The following SMIM13 variants were observed in gnomAD, a reference collection of about 807,000 sequenced individuals.
SMIM13 encodes the protein UPF0766 protein C6orf228.
A neutral mutation model predicts 5.9 loss-of-function variants in SMIM13; 3 were observed. The observed-to-expected ratio is 0.51, with a 90% confidence interval of 0.23 to 1.31. The LOEUF is 1.31. SMIM13 is among the 40% of genes most tolerant of loss of function. The probability of loss-of-function intolerance (pLI) is 0.18; values close to 1 mark genes in which losing one functional copy is unlikely to be tolerated. For missense variants in SMIM13, 85 were observed against 109.9 expected, an observed-to-expected ratio of 0.77 and a Z score of 1.01; for synonymous variants, 55 against 46.0, an observed-to-expected ratio of 1.19 and a Z score of -0.79.
chr6:11,134,546 A>C lies in SMIM13; in HGVS notation c.220A>C (p.Arg74=). ...CACTTCCTCCTCTCCACACAGAATCAGATCCGCTCGCCAAAGGAGGGCACC... is the reference window on the plus strand; with the variant it reads ...CACTTCCTCCTCTCCACACAGAATCCGATCCGCTCGCCAAAGGAGGGCACC... ...EDTSSSPHRI[R]SARQRRAPAD... is the part of the protein sequence containing the mutation. Residue 74 remains arginine (R), a synonymous_variant, in exon 2 of 2, where the codon AGA becomes CGA. Transcript: ENST00000416247. 6.4e-7 allele frequency: 1 copy of C among 1,550,452 alleles called. No individual in the cohort carries two copies. The highest frequency in any genetic ancestry group is 1.4e-5 in the African/African-American group (1 of 73,132).
chr6:11,135,782 T>C lies in SMIM13; in HGVS notation c.*1180T>C, dbSNP rs565517684. On this transcript the variant is annotated 3_prime_UTR_variant, in exon 2 of 2. Coordinates refer to ENST00000416247, the MANE Select transcript of SMIM13 (RefSeq NM_001135575.2). The stretch of plus-strand genomic sequence containing the variant: ...TAAAAATCTGTTTAACTCAAAGCGC[T>C]GTTTCAATAAATATAAACATTTTCT... 1 of 152,404 alleles carries C rather than the reference T, an allele frequency of 6.6e-6. No homozygotes were observed. The highest frequency in any genetic ancestry group is 6.5e-5 in the Admixed American group (1 of 15,298). 9.4% of individuals were successfully genotyped at this position (152,404 alleles called of 1,614,324 possible). A position where few individuals can be genotyped will look rare whatever the true frequency, so the allele number is the denominator to read the frequency against.
At chr6:11,097,141 A>C (rs1283812391) in intron 1 of SMIM13, among the ~76,000 whole-genome samples, 3 of 152,108 alleles carry the variant, frequency 2.0e-5, no homozygotes, top group Non-Finnish European at 4.4e-5. Context: ...GCCCAGCCAA[A>C]CGCATTTATT....
intron 1 of SMIM13, among the ~76,000 whole-genome samples, chr6:11,114,539 G>C (rs1342561153): frequency 1.7e-5 from 2 of 114,448 alleles, no homozygotes; most frequent in Admixed American, 1.7e-4. Context: ...AGTGGATATT[G>C]GATTTTTTTT....
intron 1 of SMIM13, among the ~76,000 whole-genome samples, chr6:11,109,089 TAGCC>T (rs781583074): frequency 2.0e-4 from 30 of 152,304 alleles, no homozygotes; most frequent in Admixed American, 6.5e-4. Flanking sequence ...CCCCACAGGG[TAGCC>T]ACCAGTGTCA....
At chr6:11,121,338 C>T (rs1758306565) in intron 1 of SMIM13, among the ~76,000 whole-genome samples, 1 of 152,132 alleles carries the variant, frequency 6.6e-6, no homozygotes, top group African/African-American at 2.4e-5. Flanking sequence ...GATATGTGCA[C>T]TTTGGGTCTG....
In SMIM13 at chr6:11,135,727, TTTC is replaced by T. The variant is rs1367748347; in HGVS notation, c.*1128_*1130del. 1.3e-5 allele frequency: 2 copies of T among 152,482 alleles called. No homozygotes were observed. Among genetic ancestry groups the T allele is most frequent in the East Asian group, 3.8e-4 (2 of 5,204 alleles). The allele number at this position is 152,482 out of a possible 1,614,324, so 9.4% of individuals were successfully genotyped here. On this transcript the variant is annotated 3_prime_UTR_variant, in exon 2 of 2. Transcript: ENST00000416247. ...AACTTAACCAATTTATTTCACACAT[TTTC>T]TTTACATATGCACAAGATTGATGTG...
rs1256491527 is a variant in SMIM13 at position 11,138,234 on chromosome 6, C to T, written c.*3632C>T. 1 of 152,202 alleles carries T rather than the reference C, an allele frequency of 6.6e-6. No individual in the cohort carries two copies. Among genetic ancestry groups the T allele is most frequent in the Non-Finnish European group, 1.5e-5 (1 of 68,032 alleles). The allele number at this position is 152,202 out of a possible 1,614,324, so 9.4% of individuals were successfully genotyped here. ...TCAGAGGTTATGGACTCTCAAGCGA[C>T]TAATGGAATAGTGTTCTGTTGTGAA... On this transcript the variant is annotated 3_prime_UTR_variant, in exon 2 of 2. Transcript: ENST00000416247.
At chr6:11,107,503 C>G (rs536043096) in intron 1 of SMIM13, among the ~76,000 whole-genome samples, 1 of 152,308 alleles carries the variant, frequency 6.6e-6, no homozygotes, top group East Asian at 1.9e-4. Flanking sequence ...CCAATGGGGA[C>G]TGTCTCTGAA....
At chr6:11,119,262 T>TTC (rs1275563434) in intron 1 of SMIM13, among the ~76,000 whole-genome samples, 3 of 152,144 alleles carry the variant, frequency 2.0e-5, no homozygotes, top group Non-Finnish European at 2.9e-5. Flanking sequence ...CTCTCTCTCT[T>TTC]TCTCTCTCTC....
rs574281801 is a variant in SMIM13, at chr6:11,138,687, T to C, written c.*4085T>C. On this transcript the variant is annotated 3_prime_UTR_variant, in exon 2 of 2. Coordinates refer to ENST00000416247, the MANE Select transcript of SMIM13 (RefSeq NM_001135575.2). The stretch of plus-strand genomic sequence containing the variant: ...GAAGCTTCTGTGGTTTGTATGATGT[T>C]TTAACTTTCACTTTAAACTGCATAG... 1 of 152,320 alleles carries C rather than the reference T, an allele frequency of 6.6e-6. No homozygotes were observed. The highest frequency in any genetic ancestry group is 6.5e-5 in the Admixed American group (1 of 15,292). 9.4% of individuals were successfully genotyped at this position (152,320 alleles called of 1,614,324 possible).
chr6:11,094,717 G>T (rs1453531346), intron 1 of SMIM13, among the ~76,000 whole-genome samples: 1 of 152,194 alleles, frequency 6.6e-6, no homozygotes, highest in Non-Finnish European at 1.5e-5. Context: ...GCATTCGAAG[G>T]TGAAGTGATT....
At chr6:11,097,681 A>C (rs924289853) in intron 1 of SMIM13, among the ~76,000 whole-genome samples, 4 of 152,092 alleles carry the variant, frequency 2.6e-5, no homozygotes, top group African/African-American at 9.6e-5. Flanking sequence ...AAAAAAAAAA[A>C]AAACCTTATC....
chr6:11,131,097 A>T (rs1322922019), intron 1 of SMIM13, among the ~76,000 whole-genome samples: 1 of 152,186 alleles, frequency 6.6e-6, no homozygotes, highest in East Asian at 1.9e-4. Flanking sequence ...GAGTTCTTTT[A>T]AGTTACATTT....
At chr6:11,123,791 C>T (rs1403566313) in intron 1 of SMIM13, among the ~76,000 whole-genome samples, 1 of 152,290 alleles carries the variant, frequency 6.6e-6, no homozygotes, top group African/African-American at 2.4e-5. Context: ...TCACCTCAAA[C>T]ATTTATCATT....
intron 1 of SMIM13, among the ~76,000 whole-genome samples, chr6:11,128,422 A>C (rs1257908327): frequency 1.3e-5 from 2 of 151,656 alleles, no homozygotes; most frequent in Middle Eastern, 3.4e-3. Flanking sequence ...TTCACTGTCT[A>C]CTCTCCTCTC....
chr6:11,117,852 C>T (rs548427913), intron 1 of SMIM13, among the ~76,000 whole-genome samples: 176 of 152,084 alleles, frequency 1.2e-3, no homozygotes, highest in African/African-American at 4.0e-3. Context: ...CGGATTCAAG[C>T]GATTCTTGTG....
intron 1 of SMIM13, among the ~76,000 whole-genome samples, chr6:11,133,858 T>A (rs1758483424): frequency 6.6e-6 from 1 of 152,100 alleles, no homozygotes; most frequent in African/African-American, 2.4e-5. Context: ...GTGCCGTGGC[T>A]TTAGTCTTTC....
intron 1 of SMIM13, among the ~76,000 whole-genome samples, chr6:11,120,023 T>C (rs1372049240): frequency 2.0e-5 from 3 of 152,200 alleles, no homozygotes; most frequent in Non-Finnish European, 4.4e-5. Flanking sequence ...GAGCCTTTGC[T>C]GCCTTCAGAA....
rs1242298602 is a variant in SMIM13 at position 11,138,002 on chromosome 6, CAT to C, written c.*3401_*3402del. ...ATTCACAAAATATGATATCTTAAAACATGTTGAAAGATTTGAAAGTGGTGCAT... is the reference window on the plus strand; with the variant it reads ...ATTCACAAAATATGATATCTTAAAACGTTGAAAGATTTGAAAGTGGTGCAT... On this transcript the variant is annotated 3_prime_UTR_variant, in exon 2 of 2. Transcript: ENST00000416247. 2.0e-5 allele frequency: 3 copies of C among 152,152 alleles called. No individual in the cohort carries two copies. The highest frequency in any genetic ancestry group is 4.4e-5 in the Non-Finnish European group (3 of 68,014). 9.4% of individuals were successfully genotyped at this position (152,152 alleles called of 1,614,324 possible). A position where few individuals can be genotyped will look rare whatever the true frequency, so the allele number is the denominator to read the frequency against.
Sources: allele counts gnomAD v4.1 joint callset (sites outside exome capture counted in the v4.1 genomes callset), GRCh38; gene constraint gnomAD v4.1.1; transcripts MANE v1.5; gene names NCBI Gene and HGNC (gene_info 2026-07-23, HGNC 2026-07-21).